MLLT3: variants seen among roughly 807,000 people sequenced by gnomAD.
The protein encoded by MLLT3 is MLLT3 super elongation complex subunit.
MLLT3 carries 4 observed loss-of-function variants against 53.2 expected under a neutral mutation model. The ratio of observed to expected loss-of-function variants is 0.08; its 90% confidence interval spans 0.04 to 0.17. MLLT3 has a LOEUF of 0.17. MLLT3 is among the 10% of genes least tolerant of loss of function. The pLI is 1.00. For missense variants in MLLT3, 569 were observed against 684.0 expected (o/e 0.83, Z 1.87); for synonymous variants, 283 against 230.6 (o/e 1.23, Z -2.06).
intron 5 of MLLT3, among the ~76,000 whole-genome samples, chr9:20,395,207 C>G (rs1822292061): frequency 1.3e-5 from 2 of 152,178 alleles, no homozygotes; most frequent in South Asian, 4.1e-4. Flanking sequence ...TCTGCTTAAT[C>G]TTCTCCCCTG....
intron 4 of MLLT3, among the ~76,000 whole-genome samples, chr9:20,421,245 T>C (rs920124471): frequency 3.3e-5 from 5 of 151,944 alleles, no homozygotes; most frequent in Admixed American, 1.3e-4. Flanking sequence ...GCCTGGGCAA[T>C]AGAGCAAGAC....
At chr9:20,508,468 G>C (rs1563792875) in intron 2 of MLLT3, among the ~76,000 whole-genome samples, 3 of 152,150 alleles carry the variant, frequency 2.0e-5, no homozygotes, top group Non-Finnish European at 4.4e-5. Context: ...ACCTAAAGCA[G>C]AAGAAATTCT....
At chr9:20,536,992 G>C (rs1587041351) in intron 2 of MLLT3, among the ~76,000 whole-genome samples, 1 of 152,222 alleles carries the variant, frequency 6.6e-6, no homozygotes, top group South Asian at 2.1e-4. Context: ...TTATAATGAA[G>C]GTTTCAGAAA....
chr9:20,486,046 A>G (rs949123507), intron 2 of MLLT3, among the ~76,000 whole-genome samples: 34 of 152,182 alleles, frequency 2.2e-4, no homozygotes, highest in African/African-American at 8.2e-4. Flanking sequence ...TCAGCCATGA[A>G]GTAACACTTC....
At chr9:20,385,928 G>C (rs1822023420) in intron 5 of MLLT3, among the ~76,000 whole-genome samples, 1 of 152,132 alleles carries the variant, frequency 6.6e-6, no homozygotes, top group South Asian at 2.1e-4. Context: ...GGTGTATTCT[G>C]AAGTAAACTG....
rs56868013 is a variant in MLLT3 at position 20,408,390 on chromosome 9, GA to G, written c.1125+5330del. 4.3e-3 allele frequency among the ~76,000 whole-genome samples: 623 copies of G among 145,856 alleles called. 4 individuals are homozygous for G. Among genetic ancestry groups the G allele is most frequent in the Non-Finnish European group, 5.2e-3 (343 of 66,392 alleles). On this transcript the variant is annotated intron_variant, in intron 5 of 10. Coordinates refer to ENST00000380338, the MANE Select transcript of MLLT3 (RefSeq NM_004529.4). ...CCTCAGTGTGATCACACCCAACACA[GA>G]AAAAAAAAATGCGTTAGAAAATAGG...
intron 2 of MLLT3, among the ~76,000 whole-genome samples, chr9:20,462,548 C>T (rs929489585): frequency 2.6e-5 from 4 of 152,110 alleles, no homozygotes; most frequent in Non-Finnish European, 4.4e-5. Context: ...GACCACCTGT[C>T]CACCTCCTCT....
intron 2 of MLLT3, among the ~76,000 whole-genome samples, chr9:20,481,556 G>C (rs1257362972): frequency 6.6e-6 from 1 of 152,110 alleles, no homozygotes; most frequent in Non-Finnish European, 1.5e-5. Flanking sequence ...ACACCTCTCA[G>C]ATACAAAGAG....
At chr9:20,555,112 C>T (rs570243743) in intron 2 of MLLT3, among the ~76,000 whole-genome samples, 2 of 152,248 alleles carry the variant, frequency 1.3e-5, no homozygotes, top group East Asian at 3.9e-4. Context: ...GGTGGCCACT[C>T]CCAATCATCC....
intron 2 of MLLT3, among the ~76,000 whole-genome samples, chr9:20,610,031 T>C (rs1820662195): frequency 6.6e-6 from 1 of 152,134 alleles, no homozygotes; most frequent in African/African-American, 2.4e-5. Flanking sequence ...CAATGACAAT[T>C]GCAGAATTTA....
At chr9:20,554,871 CTT>C (rs988802148) in intron 2 of MLLT3, among the ~76,000 whole-genome samples, 2 of 152,150 alleles carry the variant, frequency 1.3e-5, no homozygotes, top group Admixed American at 1.3e-4. Flanking sequence ...AAAATGACTA[CTT>C]TTGAAAAACT....
Position 20,622,318 on chromosome 9 carries a change from T to A in MLLT3, c.-62A>T. ...GTACCCCCCCCTCCTCCGCCCCCCC[T>A]CAGCTGTAATTCATGAAGAGGCTGC... On this transcript the variant is annotated 5_prime_UTR_variant, in exon 1 of 11. The change abolishes the stop of an existing upstream ORF in the 5' untranslated region. Coordinates refer to ENST00000380338, the MANE Select transcript of MLLT3 (RefSeq NM_004529.4). 5 of 1,309,590 alleles carry A rather than the reference T, an allele frequency of 3.8e-6. No individual in the cohort carries two copies. The highest frequency in any genetic ancestry group is 5.2e-6 in the Non-Finnish European group (5 of 954,060). The allele number at this position is 1,309,590 out of a possible 1,614,324, so 81.1% of individuals were successfully genotyped here.
chr9:20,461,692 A>G (rs1468892420), intron 2 of MLLT3, among the ~76,000 whole-genome samples: 2 of 152,146 alleles, frequency 1.3e-5, no homozygotes, highest in Non-Finnish European at 2.9e-5. Flanking sequence ...AAGTATTATT[A>G]GGCAACAGTT....
Position 20,439,880 on chromosome 9 carries a change from C to G in MLLT3, c.420+8243G>C, listed in dbSNP as rs12553417. ...TTGCTTTTCTAGATGTCCACACTTT[C>G]TAAAATTAACACATACTTATTTCAA... On this transcript the variant is annotated intron_variant, in intron 4 of 10. Coordinates refer to ENST00000380338, the MANE Select transcript of MLLT3 (RefSeq NM_004529.4). Among the ~76,000 whole-genome samples the G allele has an allele frequency of 6.6e-5, 10 of 152,236 alleles. No homozygotes were observed. In the East Asian group the frequency reaches 1.7e-3, roughly 26 times the overall value.
At chr9:20,508,192 C>A (rs998615216) in intron 2 of MLLT3, among the ~76,000 whole-genome samples, 2 of 152,150 alleles carry the variant, frequency 1.3e-5, no homozygotes, top group Non-Finnish European at 2.9e-5. Flanking sequence ...CACAAAACTG[C>A]AGGTAAATGA....
chr9:20,372,700 G>A (rs1043285058), intron 5 of MLLT3, among the ~76,000 whole-genome samples: 13 of 150,772 alleles, frequency 8.6e-5, no homozygotes, highest in Admixed American at 3.3e-4. Context: ...GAGCCACCAC[G>A]CCTGGCCTGC....
intron 2 of MLLT3, among the ~76,000 whole-genome samples, chr9:20,515,072 T>C (rs1257335693): frequency 6.7e-6 from 1 of 149,596 alleles, no homozygotes; most frequent in Non-Finnish European, 1.5e-5. Context: ...TCAGCCTCCC[T>C]AGTAGATGGG....
intron 2 of MLLT3, among the ~76,000 whole-genome samples, chr9:20,515,859 G>C (rs1817899522): frequency 6.6e-6 from 1 of 152,134 alleles, no homozygotes; most frequent in African/African-American, 2.4e-5. Context: ...CAGACCGCCT[G>C]ATGTAAGACT....
chr9:20,396,953 C>G (rs902042473), intron 5 of MLLT3, among the ~76,000 whole-genome samples: 1 of 152,152 alleles, frequency 6.6e-6, no homozygotes, highest in Non-Finnish European at 1.5e-5. Context: ...TAAACACATA[C>G]ACACACTTTA....
Sources: gnomAD v4.1 joint callset for allele counts (sites outside exome capture counted in the v4.1 genomes callset) on GRCh38, gnomAD v4.1.1 for gene constraint, MANE v1.5 for transcripts, NCBI Gene and HGNC (gene_info 2026-07-23, HGNC 2026-07-21) for gene names.